KIAA1328: variants seen among roughly 807,000 people sequenced by gnomAD.
KIAA1328 encodes the protein KIAA1328.
In KIAA1328, 52 loss-of-function variants were observed where a neutral mutation model predicts 68.1. That is an observed-to-expected ratio of 0.76 (90% CI 0.61 to 0.96). The LOEUF (loss-of-function observed/expected upper bound fraction) is 0.96. KIAA1328 is among the 40% of genes least tolerant of loss of function. The pLI, the probability that KIAA1328 is intolerant of heterozygous loss-of-function variation, is 0.00. For missense variants in KIAA1328, 641 were observed against 677.6 expected (o/e 0.95, Z 0.60); for synonymous variants, 232 against 239.4 (o/e 0.97, Z 0.28).
At chr18:36,959,232 G>T in intron 5 of KIAA1328, 76 bp from the exon 6 acceptor site, 1 of 1,348,142 alleles carries the variant, frequency 7.4e-7, no homozygotes, top group Non-Finnish European at 9.9e-7. Context: ...TTTGTTTATT[G>T]GAATATGAAA....
chr18:37,050,007 A>T (rs1302369679), intron 6 of KIAA1328, among the ~76,000 whole-genome samples: 1 of 152,206 alleles, frequency 6.6e-6, no homozygotes. Context: ...AAAATGTATT[A>T]GAATTTTTTG....
chr18:37,160,657 C>CTTT (rs1243371450), intron 8 of KIAA1328, among the ~76,000 whole-genome samples: 2 of 152,060 alleles, frequency 1.3e-5, no homozygotes, highest in African/African-American at 4.8e-5. Flanking sequence ...TGGTCATAGA[C>CTTT]TAAAATAATG....
At chr18:36,927,717 C>T (rs2050169066) in intron 5 of KIAA1328, among the ~76,000 whole-genome samples, 1 of 151,934 alleles carries the variant, frequency 6.6e-6, no homozygotes, top group Admixed American at 6.6e-5. Context: ...GTGATCATGC[C>T]ACTGCATTCC....
At chr18:37,053,104 A>T (rs994133083) in intron 6 of KIAA1328, among the ~76,000 whole-genome samples, 1 of 152,196 alleles carries the variant, frequency 6.6e-6, no homozygotes, top group Non-Finnish European at 1.5e-5. Context: ...GCTACAAGGA[A>T]ATAGTAATCA....
intron 4 of KIAA1328, among the ~76,000 whole-genome samples, chr18:36,844,566 A>T (rs1203449826): frequency 1.3e-5 from 2 of 151,976 alleles, no homozygotes; most frequent in Non-Finnish European, 2.9e-5. Flanking sequence ...GCGGTCATCT[A>T]TTGAGGGAAG....
Position 37,157,807 on chromosome 18 carries a change from CAAAAAAAAAAAAAAA to C in KIAA1328, c.1233-2384_1233-2370del, listed in dbSNP as rs542590805. The stretch of plus-strand genomic sequence containing the variant: ...CGGGCAACAGAGTGAGACTCCTCTC[CAAAAAAAAAAAAAAA>C]AAAAAAAAGAATTACCTCATTCTTT... On this transcript the variant is annotated intron_variant, in intron 7 of 9. Transcript: ENST00000280020. Among the ~76,000 whole-genome samples, 11 of 55,402 alleles carry C rather than the reference CAAAAAAAAAAAAAAA, an allele frequency of 2.0e-4. No homozygotes were observed. The East Asian group carries it at 6.3e-3, about 32-fold the overall frequency. 36.3% of individuals were successfully genotyped at this position (55,402 alleles called of 152,430 possible).
chr18:36,996,763 T>A (rs1401466127), intron 6 of KIAA1328, among the ~76,000 whole-genome samples: 1 of 152,200 alleles, frequency 6.6e-6, no homozygotes, highest in South Asian at 2.1e-4. Context: ...TTTGCTGTAC[T>A]TTTTCTTTAA....
chr18:36,865,189 GCAC>G (rs2047708226), intron 4 of KIAA1328, among the ~76,000 whole-genome samples: 1 of 150,846 alleles, frequency 6.6e-6, no homozygotes, highest in East Asian at 2.0e-4. Context: ...CTTCTTCTCA[GCAC>G]TACTTTTACT....
chr18:37,189,444 G>A (rs905715483), intron 9 of KIAA1328, among the ~76,000 whole-genome samples: 1 of 152,080 alleles, frequency 6.6e-6, no homozygotes, highest in Non-Finnish European at 1.5e-5. Context: ...TCATATCAGA[G>A]GTTTAAGATG....
At chr18:37,024,110 C>G (rs960066186) in intron 6 of KIAA1328, among the ~76,000 whole-genome samples, 2 of 152,072 alleles carry the variant, frequency 1.3e-5, no homozygotes, top group Non-Finnish European at 2.9e-5. Context: ...CTCCTCCTGC[C>G]TCAGCCTCCA....
chr18:37,149,410 T>G (rs1018397119), intron 7 of KIAA1328, among the ~76,000 whole-genome samples: 1 of 152,132 alleles, frequency 6.6e-6, no homozygotes, highest in African/African-American at 2.4e-5. Context: ...TAACTCAAGA[T>G]GGATAAAGTC....
At chr18:37,064,293 C>A (rs1568356166) in intron 6 of KIAA1328, among the ~76,000 whole-genome samples, 1 of 152,104 alleles carries the variant, frequency 6.6e-6, no homozygotes, top group Non-Finnish European at 1.5e-5. Flanking sequence ...CACTGTAATA[C>A]CCTTCATTCT....
intron 6 of KIAA1328, among the ~76,000 whole-genome samples, chr18:37,022,460 C>G (rs1007755864): frequency 3.0e-4 from 46 of 152,056 alleles, no homozygotes. Flanking sequence ...TTTAGGAGAC[C>G]TACATGATCC....
intron 6 of KIAA1328, among the ~76,000 whole-genome samples, chr18:37,011,994 A>G (rs780242952): frequency 6.6e-6 from 1 of 152,208 alleles, no homozygotes; most frequent in Non-Finnish European, 1.5e-5. Context: ...AGTAATATCA[A>G]AAGATTGTCA....
intron 7 of KIAA1328, among the ~76,000 whole-genome samples, chr18:37,152,387 C>T (rs2059055628): frequency 6.6e-6 from 1 of 152,124 alleles, no homozygotes; most frequent in Non-Finnish European, 1.5e-5. Flanking sequence ...CTGGTATCGT[C>T]TCCAGATGAT....
intron 9 of KIAA1328, among the ~76,000 whole-genome samples, chr18:37,214,236 C>G (rs2060379215): frequency 6.6e-6 from 1 of 152,168 alleles, no homozygotes; most frequent in South Asian, 2.1e-4. Flanking sequence ...TGCCTATGTC[C>G]TGTATGGTAT....
At chr18:36,998,353 A>C (rs1031413024) in intron 6 of KIAA1328, among the ~76,000 whole-genome samples, 3 of 152,140 alleles carry the variant, frequency 2.0e-5, no homozygotes, top group Non-Finnish European at 2.9e-5. Flanking sequence ...ACATTGATGC[A>C]CACCACTCAG....
chr18:37,056,425 T>TA (rs921893692), intron 6 of KIAA1328, among the ~76,000 whole-genome samples: 3 of 152,084 alleles, frequency 2.0e-5, no homozygotes, highest in African/African-American at 7.2e-5. Context: ...GTTTTTTTTT[T>TA]AATCCTTGTT....
rs559089352 is a variant in KIAA1328, at chr18:37,191,754, C to A, written c.1523+18673C>A. Reference sequence around the variant, plus strand: ...TATTAACCCAAACGTACAGGTGTATCAAGAATTAGGGAAACAGTTCTTGAG... The same window carrying A: ...TATTAACCCAAACGTACAGGTGTATAAAGAATTAGGGAAACAGTTCTTGAG... On this transcript the variant is annotated intron_variant, in intron 9 of 9. Coordinates refer to ENST00000280020, the MANE Select transcript of KIAA1328 (RefSeq NM_020776.3). Among the ~76,000 whole-genome samples, 20 of 151,382 alleles carry A rather than the reference C, an allele frequency of 1.3e-4. No homozygotes were observed. The South Asian group carries it at 3.7e-3, about 28-fold the overall frequency.
Sources: gnomAD v4.1 joint callset for allele counts (sites outside exome capture counted in the v4.1 genomes callset) on GRCh38, gnomAD v4.1.1 for gene constraint, MANE v1.5 for transcripts, NCBI Gene and HGNC (gene_info 2026-07-23, HGNC 2026-07-21) for gene names.